The following MALRD1 variants were observed in gnomAD, a reference collection of about 807,000 sequenced individuals.
MALRD1 encodes MAM and LDL-receptor class A domain-containing protein 1.
A neutral mutation model predicts 242.1 loss-of-function variants in MALRD1; 247 were observed. The ratio of observed to expected loss-of-function variants is 1.02; its 90% confidence interval spans 0.92 to 1.13. The LOEUF (loss-of-function observed/expected upper bound fraction) is 1.13. MALRD1 is among the 50% of genes most tolerant of loss of function. The probability of loss-of-function intolerance (pLI) is 0.00; values close to 1 mark genes in which losing one functional copy is unlikely to be tolerated. For synonymous variants in MALRD1, 995 were observed against 866.6 expected, an observed-to-expected ratio of 1.15 and a Z score of -2.60; for missense variants, 2,989 against 2,533.1, an observed-to-expected ratio of 1.18 and a Z score of -3.86.
In MALRD1 at chr10:19,526,897, C is replaced by T. The variant is rs117784946; in HGVS notation, c.5321-4297C>T. 9.2e-3 allele frequency among the ~76,000 whole-genome samples: 1,395 copies of T among 152,130 alleles called. 10 individuals are homozygous for T. Among genetic ancestry groups the T allele is most frequent in the Non-Finnish European group, 0.016 (1,075 of 67,948 alleles). The stretch of plus-strand genomic sequence containing the variant: ...TTTGCTAAGCTGGTTTTAGTAGTTG[C>T]TGTCACAAAAGTGACATTTACTGGG... On this transcript the variant is annotated intron_variant, in intron 31 of 39. Transcript: ENST00000454679.
chr10:19,463,882 T>C (rs1836078556), intron 29 of MALRD1, among the ~76,000 whole-genome samples: 1 of 152,152 alleles, frequency 6.6e-6, no homozygotes, highest in African/African-American at 2.4e-5. Context: ...ACATCTATTA[T>C]TTTTTGATTT....
At chr10:19,426,415 A>AT (rs35120896) in intron 28 of MALRD1, among the ~76,000 whole-genome samples, 14 of 152,244 alleles carry the variant, frequency 9.2e-5, no homozygotes, top group East Asian at 5.8e-4. Context: ...GAAAGCATGA[A>AT]TTTTTTTCCC....
At chr10:19,525,040 G>A (rs1286239814) in intron 31 of MALRD1, among the ~76,000 whole-genome samples, 2 of 151,770 alleles carry the variant, frequency 1.3e-5, no homozygotes, top group African/African-American at 4.8e-5. Context: ...AAGTAGCTGG[G>A]ATTACAGGCA....
At chr10:19,543,767 A>G (rs1835087114) in intron 32 of MALRD1, among the ~76,000 whole-genome samples, 1 of 152,092 alleles carries the variant, frequency 6.6e-6, no homozygotes, top group African/African-American at 2.4e-5. Context: ...CTTTGTATCA[A>G]CTTACTCCCT....
At chr10:19,081,296 T>C (rs1388450538) in intron 2 of MALRD1, among the ~76,000 whole-genome samples, 1 of 152,116 alleles carries the variant, frequency 6.6e-6, no homozygotes, top group African/African-American at 2.4e-5. Flanking sequence ...ACGATTCTAT[T>C]ATAAAGACAC....
In MALRD1 at chr10:19,123,649, C is replaced by T. The variant is rs1837147828; in HGVS notation, c.796+56C>T. On this transcript the variant is annotated intron_variant, in intron 6 of 39. Coordinates refer to ENST00000454679, the MANE Select transcript of MALRD1 (RefSeq NM_001142308.3). ...TGGTATATATGCAATATGTGAGACT[C>T]AGACCACTCACAGGAAAGTGCACGC... 3.9e-6 allele frequency: 4 copies of T among 1,015,028 alleles called. No individual in the cohort carries two copies. The East Asian group carries it at 1.3e-4, about 33-fold the overall frequency. 62.9% of individuals were successfully genotyped at this position (1,015,028 alleles called of 1,614,324 possible). A position where few individuals can be genotyped will look rare whatever the true frequency, so the allele number is the denominator to read the frequency against.
chr10:19,630,472 G>A (rs1589331781), intron 36 of MALRD1, among the ~76,000 whole-genome samples: 1 of 152,040 alleles, frequency 6.6e-6, no homozygotes, highest in East Asian at 1.9e-4. Context: ...CATTTTCTAA[G>A]AATTACATTT....
At chr10:19,082,761 T>G (rs1835534645) in intron 2 of MALRD1, among the ~76,000 whole-genome samples, 1 of 151,990 alleles carries the variant, frequency 6.6e-6, no homozygotes, top group Non-Finnish European at 1.5e-5. Flanking sequence ...TACTGTTTGT[T>G]GTAGTTATAG....
At chr10:19,721,642 A>C (rs1834760609) in intron 38 of MALRD1, 1 of 152,248 alleles carries the variant, frequency 6.6e-6, no homozygotes, top group South Asian at 2.1e-4. Flanking sequence ...CATTGTTTAA[A>C]AAGAAATACA....
chr10:19,216,954 A>AT (rs201488373), intron 18 of MALRD1, among the ~76,000 whole-genome samples: 54,257 of 123,132 alleles, frequency 0.44, 10,866 homozygotes, highest in South Asian at 0.7. Context: ...TCAAAAAAAA[A>AT]AAAATAAAAA....
At chr10:19,322,811 C>G (rs1323210936) in intron 21 of MALRD1, among the ~76,000 whole-genome samples, 1 of 152,066 alleles carries the variant, frequency 6.6e-6, no homozygotes, top group Non-Finnish European at 1.5e-5. Context: ...AATAAAATAG[C>G]TTTAATAAGA....
chr10:19,577,766 T>TAA (rs959738084), intron 33 of MALRD1, among the ~76,000 whole-genome samples: 5 of 151,922 alleles, frequency 3.3e-5, no homozygotes, highest in Non-Finnish European at 4.4e-5. Flanking sequence ...TATATATATA[T>TAA]AATAAAACAT....
chr10:19,455,702 A>T (rs886568543), intron 29 of MALRD1, among the ~76,000 whole-genome samples: 3 of 152,182 alleles, frequency 2.0e-5, no homozygotes, highest in African/African-American at 7.2e-5. Context: ...TAGGGACAAC[A>T]CTTTTTACAT....
intron 36 of MALRD1, among the ~76,000 whole-genome samples, chr10:19,674,369 G>A (rs923264024): frequency 2.0e-5 from 3 of 152,114 alleles, no homozygotes; most frequent in African/African-American, 7.2e-5. Flanking sequence ...TCCATCTGAT[G>A]GAAAGCCATT....
intron 28 of MALRD1, among the ~76,000 whole-genome samples, chr10:19,435,861 T>C (rs1834331422): frequency 6.6e-6 from 1 of 152,186 alleles, no homozygotes; most frequent in African/African-American, 2.4e-5. Flanking sequence ...GTAAATCATT[T>C]AGAATTCTTT....
At chr10:19,613,352 A>G (rs1289540629) in intron 35 of MALRD1, among the ~76,000 whole-genome samples, 1 of 152,020 alleles carries the variant, frequency 6.6e-6, no homozygotes, top group Admixed American at 6.6e-5. Flanking sequence ...CACTTAAAAT[A>G]TAACATTATC....
intron 29 of MALRD1, among the ~76,000 whole-genome samples, chr10:19,471,203 T>A (rs4748588): frequency 6.6e-6 from 1 of 151,726 alleles, no homozygotes; most frequent in African/African-American, 2.4e-5. Flanking sequence ...TTTTTCATTA[T>A]GTATTCTTGG....
At chr10:19,238,377 C>G (rs1450200428) in intron 18 of MALRD1, among the ~76,000 whole-genome samples, 4 of 84,182 alleles carry the variant, frequency 4.8e-5, no homozygotes, top group African/African-American at 1.9e-4. Context: ...ATATATTATA[C>G]ATAATATATT....
chr10:19,450,253 A>T, intron 28 of MALRD1, 54 bp from the exon 29 acceptor site: 12 of 1,463,326 alleles, frequency 8.2e-6, no homozygotes, highest in Non-Finnish European at 1.1e-5. Flanking sequence ...CCCACACTGC[A>T]TCATCTTCTT....
Sources: allele counts gnomAD v4.1 joint callset (sites outside exome capture counted in the v4.1 genomes callset), GRCh38; gene constraint gnomAD v4.1.1; transcripts MANE v1.5; gene names NCBI Gene and HGNC (gene_info 2026-07-23, HGNC 2026-07-21).